GALNT13: variants seen among roughly 807,000 people sequenced by gnomAD.
GALNT13 encodes polypeptide N-acetylgalactosaminyltransferase 13, also known as UDP-GalNAc:polypeptide N-acetylgalactosaminyltransferase 13.
Under a neutral mutation model 64.2 loss-of-function variants are expected in GALNT13, and 28 were observed. That is an observed-to-expected ratio of 0.44 (90% CI 0.32 to 0.60). The LOEUF (loss-of-function observed/expected upper bound fraction) is 0.60. Among genes scored for constraint, GALNT13 ranks in the 20% least tolerant of loss-of-function variants. The pLI is 0.05. For missense variants in GALNT13, 577 were observed against 669.8 expected, an observed-to-expected ratio of 0.86 and a Z score of 1.53; for synonymous variants, 214 against 224.6, an observed-to-expected ratio of 0.95 and a Z score of 0.42.
At chr2:154,167,100 C>T (rs1047088720) in intron 4 of GALNT13, among the ~76,000 whole-genome samples, 2 of 151,248 alleles carry the variant, frequency 1.3e-5, no homozygotes, top group African/African-American at 2.4e-5. Context: ...AAGTTGTGCA[C>T]GTGTATTGTA....
rs374083161 is a variant in GALNT13 at position 154,301,404 on chromosome 2, C to T, written c.976-5C>T. On this transcript the variant is annotated splice_region_variant and splice_polypyrimidine_tract_variant and intron_variant, in intron 8 of 12. Coordinates refer to ENST00000392825, the MANE Select transcript of GALNT13 (RefSeq NM_052917.4). Reference sequence around the variant, plus strand: ...ATTATTTACAATGATTGTTCCTTTTCCCAGATTTGGCAATGTGGAGGCTCC... The same window carrying T: ...ATTATTTACAATGATTGTTCCTTTTTCCAGATTTGGCAATGTGGAGGCTCC... 4.3e-5 allele frequency: 70 copies of T among 1,609,654 alleles called. No individual in the cohort carries two copies. In the Middle Eastern group the frequency reaches 1.7e-3, roughly 38 times the overall value.
At chr2:153,630,976 A>G in the GALNT13 span, among the ~76,000 whole-genome samples, 1 of 150,606 alleles carries the variant, frequency 6.6e-6, no homozygotes, top group African/African-American at 2.4e-5. Flanking sequence ...CCACCCCACA[A>G]CAGGCCCCGG....
chr2:153,742,519 A>G, the GALNT13 span, among the ~76,000 whole-genome samples: 6 of 151,996 alleles, frequency 3.9e-5, no homozygotes, highest in Admixed American at 1.3e-4. Context: ...CTTCTAGTGG[A>G]CCCACCCCCA....
chr2:153,795,714 A>G, the GALNT13 span, among the ~76,000 whole-genome samples: 2 of 152,196 alleles, frequency 1.3e-5, no homozygotes, highest in Non-Finnish European at 2.9e-5. Context: ...TCCACTGTTG[A>G]AAAAGATTAT....
the GALNT13 span, among the ~76,000 whole-genome samples, chr2:153,652,247 T>C: frequency 6.6e-6 from 1 of 152,172 alleles, no homozygotes; most frequent in Admixed American, 6.6e-5. Context: ...AGATAATATT[T>C]GAACCTATTC....
At chr2:153,320,003 C>A in the GALNT13 span, among the ~76,000 whole-genome samples, 1 of 152,088 alleles carries the variant, frequency 6.6e-6, no homozygotes, top group African/African-American at 2.4e-5. Context: ...TAGCTGTTCT[C>A]AACTCTGACT....
At chr2:154,253,607 C>G (rs553537473) in intron 7 of GALNT13, among the ~76,000 whole-genome samples, 1 of 151,976 alleles carries the variant, frequency 6.6e-6, no homozygotes, top group Non-Finnish European at 1.5e-5. Context: ...ATAGTGAGAC[C>G]CAGTCTCAAA....
chr2:153,553,565 C>G, the GALNT13 span, among the ~76,000 whole-genome samples: 1 of 152,110 alleles, frequency 6.6e-6, no homozygotes, highest in African/African-American at 2.4e-5. Flanking sequence ...ACCATTGGAT[C>G]CATGTTAAAA....
At chr2:153,072,848 C>T in the GALNT13 span, among the ~76,000 whole-genome samples, 2 of 152,168 alleles carry the variant, frequency 1.3e-5, no homozygotes, top group Non-Finnish European at 2.9e-5. Flanking sequence ...TCCAGGGACT[C>T]TTTGCTGTTT....
chr2:154,177,617 G>A lies in GALNT13; in HGVS notation c.311+37112G>A, dbSNP rs149710999. Among the ~76,000 whole-genome samples the A allele has an allele frequency of 5.4e-3, 823 of 152,150 alleles. 4 individuals carry two copies. Among genetic ancestry groups the A allele is most frequent in the Non-Finnish European group, 9.2e-3 (625 of 68,008 alleles). On this transcript the variant is annotated intron_variant, in intron 4 of 12. Coordinates refer to ENST00000392825, the MANE Select transcript of GALNT13 (RefSeq NM_052917.4). ...GCTCAACCATTGTAATTAAAGTAGC[G>A]CATTAATGCAAGATGTTAGTAACAG...
At chr2:154,367,017 G>T (rs747085698) in intron 9 of GALNT13, among the ~76,000 whole-genome samples, 3 of 151,888 alleles carry the variant, frequency 2.0e-5, no homozygotes, top group Non-Finnish European at 2.9e-5. Context: ...GAAATGAATG[G>T]GTTTCATTGT....
intron 1 of GALNT13, among the ~76,000 whole-genome samples, chr2:153,873,204 G>T (rs1686108341): frequency 6.6e-6 from 1 of 152,148 alleles, no homozygotes; most frequent in African/African-American, 2.4e-5. Flanking sequence ...TTTCCTGCGG[G>T]GTCAGTGGGG....
intron 9 of GALNT13, among the ~76,000 whole-genome samples, chr2:154,305,717 G>T (rs1693696138): frequency 1.3e-5 from 2 of 152,078 alleles, no homozygotes; most frequent in Admixed American, 6.5e-5. Context: ...GTATTGGTTG[G>T]CTTCAGGAAT....
intron 3 of GALNT13, among the ~76,000 whole-genome samples, chr2:154,019,185 T>C (rs1245823306): frequency 6.6e-6 from 1 of 152,148 alleles, no homozygotes; most frequent in Non-Finnish European, 1.5e-5. Context: ...GCATCACTCA[T>C]TCAACCCTAA....
intron 9 of GALNT13, among the ~76,000 whole-genome samples, chr2:154,365,281 A>T (rs1697306060): frequency 6.6e-6 from 1 of 152,158 alleles, no homozygotes; most frequent in Non-Finnish European, 1.5e-5. Context: ...GGTCACAATC[A>T]ATTGTTGGAT....
chr2:153,936,249 A>C (rs73009840), intron 2 of GALNT13, among the ~76,000 whole-genome samples: 1 of 152,204 alleles, frequency 6.6e-6, no homozygotes, highest in African/African-American at 2.4e-5. Context: ...ACATTGTATT[A>C]GGTGTTATGA....
intron 3 of GALNT13, among the ~76,000 whole-genome samples, chr2:153,944,863 C>A (rs1691599988): frequency 6.6e-6 from 1 of 152,108 alleles, no homozygotes; most frequent in South Asian, 2.1e-4. Context: ...TCTAAGATAC[C>A]GTTCAACCTA....
chr2:153,905,145 A>G (rs928853840), intron 2 of GALNT13, among the ~76,000 whole-genome samples: 3 of 152,028 alleles, frequency 2.0e-5, no homozygotes, highest in African/African-American at 7.2e-5. Flanking sequence ...TAAATTTTAG[A>G]ATTACTTTGT....
the GALNT13 span, among the ~76,000 whole-genome samples, chr2:153,774,329 CTTT>C: frequency 6.6e-6 from 1 of 151,968 alleles, no homozygotes. Flanking sequence ...TCCCTTTTCT[CTTT>C]TTTCCATATT....
Sources: allele counts gnomAD v4.1 joint callset (sites outside exome capture counted in the v4.1 genomes callset), GRCh38; gene constraint gnomAD v4.1.1; transcripts MANE v1.5; gene names NCBI Gene and HGNC (gene_info 2026-07-23, HGNC 2026-07-21).